Variants in CWH43 observed in about 807,000 individuals in gnomAD.
CWH43 encodes PGAP2-interacting protein.
Under a neutral mutation model 85.7 loss-of-function variants are expected in CWH43, and 91 were observed. The observed-to-expected ratio is 1.06, with a 90% CI of 0.90 to 1.26. The LOEUF (loss-of-function observed/expected upper bound fraction) is 1.26. Among genes scored for constraint, CWH43 ranks in the 50% most tolerant of loss-of-function variants. The pLI is 0.00. For missense variants in CWH43, 869 were observed against 839.2 expected (o/e 1.04, Z -0.44); for synonymous variants, 323 against 293.6 (o/e 1.10, Z -1.02).
chr4:49,027,834 C>A (rs1268594915), intron 9 of CWH43, among the ~76,000 whole-genome samples: 2 of 152,034 alleles, frequency 1.3e-5, no homozygotes, highest in African/African-American at 4.8e-5. Flanking sequence ...CCTGAGTTCC[C>A]CACTACCCTA....
chr4:49,044,335 A>G (rs1322889023), intron 13 of CWH43, among the ~76,000 whole-genome samples: 3 of 152,210 alleles, frequency 2.0e-5, no homozygotes, highest in African/African-American at 7.2e-5. Context: ...CAGGTTGGAC[A>G]AAAGTGATTA....
At chr4:48,999,835 A>G (rs1782933211) in intron 6 of CWH43, among the ~76,000 whole-genome samples, 1 of 152,098 alleles carries the variant, frequency 6.6e-6, no homozygotes, top group Non-Finnish European at 1.5e-5. Context: ...ATGTCTGCTT[A>G]CTCAAAGACC....
intron 8 of CWH43, among the ~76,000 whole-genome samples, chr4:49,008,243 T>C (rs553836162): frequency 6.6e-6 from 1 of 152,250 alleles, no homozygotes; most frequent in Non-Finnish European, 1.5e-5. Context: ...CATTTTTTCA[T>C]GTGTATGTTG....
rs142961480 is a variant in CWH43, at chr4:48,993,784, C to T, written c.512-835C>T. Among the ~76,000 whole-genome samples, 880 of 152,228 alleles carry T rather than the reference C, an allele frequency of 5.8e-3. 12 individuals are homozygous for T. The highest frequency in any genetic ancestry group is 0.021 in the African/African-American group (854 of 41,540). The stretch of plus-strand genomic sequence containing the variant: ...TTTTCTTGTTTTTGAGATGGAGTTT[C>T]ACTCTTGTTGCCCGGGCTGGAGTGC... On this transcript the variant is annotated intron_variant, in intron 4 of 15. Coordinates refer to ENST00000226432, the MANE Select transcript of CWH43 (RefSeq NM_025087.3).
At chr4:49,020,951 A>G (rs1783734427) in intron 9 of CWH43, among the ~76,000 whole-genome samples, 1 of 151,706 alleles carries the variant, frequency 6.6e-6, no homozygotes, top group Non-Finnish European at 1.5e-5. Flanking sequence ...GCTTCTGGAT[A>G]TTAGTCCTTT....
intron 9 of CWH43, among the ~76,000 whole-genome samples, chr4:49,023,782 T>C (rs2109794364): frequency 6.6e-6 from 1 of 152,390 alleles, no homozygotes; most frequent in Middle Eastern, 3.4e-3. Context: ...TGGTCTATCT[T>C]GGAGAATGGT....
intron 10 of CWH43, 88 bp from the exon 11 acceptor site, chr4:49,030,737 A>C (rs1430886655): frequency 1.6e-6 from 2 of 1,271,512 alleles, no homozygotes; most frequent in Admixed American, 2.8e-5. Flanking sequence ...AAAGAAAAAA[A>C]GGTTAAGGGT....
At chr4:49,047,071 G>A (rs1294172316) in intron 14 of CWH43, among the ~76,000 whole-genome samples, 1 of 152,168 alleles carries the variant, frequency 6.6e-6, no homozygotes, top group African/African-American at 2.4e-5. Context: ...CCTGCCTGAA[G>A]ATAGGGGCCG....
chr4:49,052,096 C>G (rs762545898), intron 15 of CWH43, among the ~76,000 whole-genome samples: 1 of 152,126 alleles, frequency 6.6e-6, no homozygotes, highest in African/African-American at 2.4e-5. Context: ...TCTCCATTCT[C>G]TTTTTCTTCT....
chr4:49,030,155 T>C (rs1380616116), intron 10 of CWH43, among the ~76,000 whole-genome samples: 1 of 152,196 alleles, frequency 6.6e-6, no homozygotes, highest in Non-Finnish European at 1.5e-5. Flanking sequence ...CTAGGGCCGA[T>C]TTGATTTGTT....
intron 13 of CWH43, among the ~76,000 whole-genome samples, chr4:49,043,044 T>G (rs1200342587): frequency 6.6e-6 from 1 of 152,138 alleles, no homozygotes; most frequent in Non-Finnish European, 1.5e-5. Context: ...TCTCTTCTCA[T>G]GGTCTGTCAT....
chr4:49,022,863 C>A (rs551478374), intron 9 of CWH43, among the ~76,000 whole-genome samples: 1 of 152,016 alleles, frequency 6.6e-6, no homozygotes, highest in South Asian at 2.1e-4. Context: ...ATTGAATGAT[C>A]TTTTGCATTT....
At chr4:49,003,596 G>A in intron 6 of CWH43, 139 bp from the exon 7 acceptor site, 1 of 793,952 alleles carries the variant, frequency 1.3e-6, no homozygotes, top group African/African-American at 1.7e-5. Flanking sequence ...CATTAACCTT[G>A]TCAGATCTTA....
intron 8 of CWH43, among the ~76,000 whole-genome samples, chr4:49,014,466 A>G (rs866182444): frequency 1.9e-3 from 292 of 151,388 alleles, no homozygotes; most frequent in African/African-American, 6.0e-3. Flanking sequence ...CTCAAAAAAA[A>G]AAAAAAAAAG....
intron 9 of CWH43, among the ~76,000 whole-genome samples, chr4:49,024,564 C>T (rs947826408): frequency 1.6e-4 from 24 of 152,108 alleles, no homozygotes; most frequent in African/African-American, 5.8e-4. Flanking sequence ...ATTCTCTTAG[C>T]ATTTGTTTGT....
Position 49,032,554 on chromosome 4 carries a change from A to G in CWH43, c.1509-12A>G, listed in dbSNP as rs773238024. On this transcript the variant is annotated splice_polypyrimidine_tract_variant and intron_variant, in intron 11 of 15. Transcript: ENST00000226432. ...GACAATGATGCCCATGTCTCTTTTC[A>G]TTCCAATACAGGATTATGGCTTTGT... 6.2e-7 allele frequency: 1 copy of G among 1,613,622 alleles called. No individual in the cohort carries two copies. The highest frequency in any genetic ancestry group is 1.1e-5 in the South Asian group (1 of 91,050).
intron 12 of CWH43, among the ~76,000 whole-genome samples, chr4:49,036,818 G>A (rs1017139200): frequency 2.2e-4 from 33 of 152,098 alleles, no homozygotes; most frequent in African/African-American, 7.7e-4. Context: ...TGCTTCCTCT[G>A]GTGTCTCTGG....
At chr4:49,060,067 A>G (rs975409257) in intron 15 of CWH43, among the ~76,000 whole-genome samples, 23 of 152,010 alleles carry the variant, frequency 1.5e-4, no homozygotes, top group Admixed American at 5.2e-4. Flanking sequence ...GGCTGCAGGG[A>G]CTGGTCTGGA....
chr4:49,030,722 T>G, intron 10 of CWH43, 103 bp from the exon 11 acceptor site: 3 of 1,122,514 alleles, frequency 2.7e-6, no homozygotes, highest in East Asian at 2.8e-5. Flanking sequence ...TTTGGGTTTA[T>G]CAGTAAAGAA....
Sources: gnomAD v4.1 joint callset for allele counts (sites outside exome capture counted in the v4.1 genomes callset) on GRCh38, gnomAD v4.1.1 for gene constraint, MANE v1.5 for transcripts, NCBI Gene and HGNC (gene_info 2026-07-23, HGNC 2026-07-21) for gene names.